NUMB: variants seen among roughly 807,000 people sequenced by gnomAD.
NUMB encodes the protein NUMB endocytic adaptor protein, also known as protein numb homolog.
Under a neutral mutation model 59.7 loss-of-function variants are expected in NUMB, and 29 were observed. That is an observed-to-expected ratio of 0.49 (90% CI 0.36 to 0.66). The LOEUF is 0.66. NUMB is among the 30% of genes least tolerant of loss of function. The pLI is 0.00. For synonymous variants in NUMB, 288 were observed against 288.2 expected (o/e 1.00, Z 0.01); for missense variants, 723 against 822.0 (o/e 0.88, Z 1.47).
intron 6 of NUMB, among the ~76,000 whole-genome samples, chr14:73,302,970 T>G (rs1890233497): frequency 6.6e-6 from 1 of 151,984 alleles, no homozygotes; most frequent in Admixed American, 6.6e-5. Context: ...ATCCCAGCAC[T>G]TTGGGAGGAA....
At chr14:73,379,683 G>T (rs952869162) in intron 2 of NUMB, among the ~76,000 whole-genome samples, 2 of 152,186 alleles carry the variant, frequency 1.3e-5, no homozygotes, top group Non-Finnish European at 2.9e-5. Context: ...TACATAGGTG[G>T]AAGAGAGCAC....
chr14:73,291,906 G>C (rs886923947), intron 8 of NUMB, among the ~76,000 whole-genome samples: 107 of 151,456 alleles, frequency 7.1e-4, no homozygotes, highest in African/African-American at 2.3e-3. Context: ...GGCTGGTCTT[G>C]AACTCCTGAC....
chr14:73,443,224 A>ATTT (rs1054476631), intron 1 of NUMB, among the ~76,000 whole-genome samples: 4 of 152,208 alleles, frequency 2.6e-5, no homozygotes, highest in African/African-American at 9.6e-5. Flanking sequence ...GAATAAAGCT[A>ATTT]TTTTTAAAAT....
chr14:73,433,816 G>A (rs766407408), intron 1 of NUMB, among the ~76,000 whole-genome samples: 3 of 151,506 alleles, frequency 2.0e-5, no homozygotes, highest in Admixed American at 6.6e-5. Flanking sequence ...TAGGCCAGGC[G>A]CGGTGGCCCA....
At chr14:73,404,786 G>A (rs368949888) in intron 2 of NUMB, among the ~76,000 whole-genome samples, 14 of 150,122 alleles carry the variant, frequency 9.3e-5, no homozygotes, top group Non-Finnish European at 1.2e-4. Context: ...TTTTGGAGAC[G>A]GAGTCTTGCT....
At chr14:73,420,010 C>T (rs1336541237) in intron 1 of NUMB, among the ~76,000 whole-genome samples, 1 of 152,196 alleles carries the variant, frequency 6.6e-6, no homozygotes, top group East Asian at 1.9e-4. Flanking sequence ...GGACTACAGG[C>T]ACATGCCACC....
chr14:73,350,613 T>C (rs1191882901), intron 4 of NUMB, among the ~76,000 whole-genome samples: 1 of 151,622 alleles, frequency 6.6e-6, no homozygotes, highest in African/African-American at 2.4e-5. Flanking sequence ...AGTGGTGCAA[T>C]CATGGCTCAC....
intron 5 of NUMB, among the ~76,000 whole-genome samples, chr14:73,320,134 C>G (rs894966084): frequency 6.6e-6 from 1 of 151,206 alleles, no homozygotes; most frequent in Non-Finnish European, 1.5e-5. Context: ...TCCGACTCGG[C>G]GGGGGGGCAA....
intron 2 of NUMB, among the ~76,000 whole-genome samples, chr14:73,369,131 T>A (rs1180191959): frequency 6.6e-6 from 1 of 151,594 alleles, no homozygotes; most frequent in Non-Finnish European, 1.5e-5. Flanking sequence ...AACCTTTGCC[T>A]CCTGGGTTCA....
chr14:73,350,033 GCT>G (rs1433232269), intron 4 of NUMB, among the ~76,000 whole-genome samples: 1 of 146,122 alleles, frequency 6.8e-6, no homozygotes, highest in African/African-American at 2.7e-5. Flanking sequence ...CGAGAGTGAG[GCT>G]CTGTCTCACA....
At chr14:73,314,803 A>C (rs1216301623) in intron 6 of NUMB, among the ~76,000 whole-genome samples, 1 of 152,074 alleles carries the variant, frequency 6.6e-6, no homozygotes, top group Admixed American at 6.6e-5. Flanking sequence ...AAATTGTATG[A>C]TAATTGTGGC....
chr14:73,354,797 C>T (rs1893686435), intron 4 of NUMB, among the ~76,000 whole-genome samples: 1 of 117,076 alleles, frequency 8.5e-6, no homozygotes, highest in South Asian at 2.7e-4. Context: ...CACTGCACTC[C>T]AGCCTGTGCT....
chr14:73,316,454 T>C, intron 5 of NUMB, 32 bp from the exon 6 acceptor site: 1 of 1,608,256 alleles, frequency 6.2e-7, no homozygotes, highest in Non-Finnish European at 8.5e-7. Context: ...TCGAGTGCTA[T>C]TATTGTATGG....
chr14:73,396,124 C>A (rs762317713), intron 2 of NUMB, among the ~76,000 whole-genome samples: 2 of 152,032 alleles, frequency 1.3e-5, no homozygotes, highest in African/African-American at 2.4e-5. Flanking sequence ...TATTCTGTCA[C>A]CTGGCTGGGG....
chr14:73,295,741 C>T (rs930027453), intron 7 of NUMB, among the ~76,000 whole-genome samples: 2 of 151,700 alleles, frequency 1.3e-5, no homozygotes, highest in Admixed American at 1.3e-4. Context: ...AAATTTCTTC[C>T]TGACTTTAGG....
chr14:73,400,638 A>G (rs1246186615), intron 2 of NUMB, among the ~76,000 whole-genome samples: 1 of 152,226 alleles, frequency 6.6e-6, no homozygotes, highest in Non-Finnish European at 1.5e-5. Flanking sequence ...CCAAGGCATG[A>G]TAAGAGGGTT....
At chr14:73,423,821 C>G (rs1016474647) in intron 1 of NUMB, among the ~76,000 whole-genome samples, 1 of 151,554 alleles carries the variant, frequency 6.6e-6, no homozygotes, top group South Asian at 2.1e-4. Context: ...AAAAAATTAG[C>G]CAGGCATGGT....
intron 4 of NUMB, among the ~76,000 whole-genome samples, chr14:73,342,343 G>A (rs1479810788): frequency 6.6e-6 from 1 of 152,214 alleles, no homozygotes; most frequent in Non-Finnish European, 1.5e-5. Context: ...ACACATGGCT[G>A]ACATTAAGTT....
chr14:73,352,459 TACAC>T (rs60134093), intron 4 of NUMB, among the ~76,000 whole-genome samples: 2,800 of 19,272 alleles, frequency 0.15, 343 homozygotes, highest in East Asian at 0.3. Context: ...CACACACACA[TACAC>T]ACACACACAC....
Sources: allele counts gnomAD v4.1 joint callset (sites outside exome capture counted in the v4.1 genomes callset), GRCh38; gene constraint gnomAD v4.1.1; transcripts MANE v1.5; gene names NCBI Gene and HGNC (gene_info 2026-07-23, HGNC 2026-07-21).